The following GPATCH2 variants were observed in gnomAD, a reference collection of about 807,000 sequenced individuals.
GPATCH2 encodes the protein G patch domain-containing protein 2.
In GPATCH2, 51 loss-of-function variants were observed where a neutral mutation model predicts 58.0. The ratio of observed to expected loss-of-function variants is 0.88; its 90% CI spans 0.70 to 1.11. The LOEUF is 1.11. GPATCH2 is among the 50% of genes most tolerant of loss of function. The pLI, the probability that GPATCH2 is intolerant of heterozygous loss-of-function variation, is 0.00. For synonymous variants in GPATCH2, 222 were observed against 218.5 expected (o/e 1.02, Z -0.14); for missense variants, 625 against 652.2 (o/e 0.96, Z 0.45).
intron 8 of GPATCH2, among the ~76,000 whole-genome samples, chr1:217,467,778 AC>A (rs1303755166): frequency 1.3e-5 from 2 of 152,140 alleles, no homozygotes; most frequent in African/African-American, 4.8e-5. Flanking sequence ...TGGTTTCTAA[AC>A]CTATTTCCTA....
At chr1:217,621,749 C>G (rs751490341) in intron 1 of GPATCH2, among the ~76,000 whole-genome samples, 1 of 152,196 alleles carries the variant, frequency 6.6e-6, no homozygotes, top group African/African-American at 2.4e-5. Context: ...CTTATAACAG[C>G]TTTCAACTTT....
chr1:217,491,692 C>T lies in GPATCH2; in HGVS notation c.1265G>A (p.Arg422Lys), dbSNP rs757776764. The part of the protein sequence containing the change: ...ERGHKKNCSV[R>K]TASRQTSMHL... ...TTGAATTGCTTACCTGCTGGCTGTT[C>T]TCACAGAACAATTTTTCTTGTGTCC... The change falls in exon 8 of 10, where the codon AGA becomes AAA. Residue 422 changes from arginine to lysine, a missense_variant. Coordinates refer to ENST00000366935, the MANE Select transcript of GPATCH2 (RefSeq NM_018040.5). 10 of 1,497,968 alleles carry T rather than the reference C, an allele frequency of 6.7e-6. No homozygotes were observed. In the East Asian group the frequency reaches 2.4e-4, roughly 35 times the overall value. The allele number at this position is 1,497,968 out of a possible 1,614,324, so 92.8% of individuals were successfully genotyped here.
At chr1:217,462,755 TG>T (rs1282935809) in intron 8 of GPATCH2, among the ~76,000 whole-genome samples, 1 of 152,232 alleles carries the variant, frequency 6.6e-6, no homozygotes, top group African/African-American at 2.4e-5. Flanking sequence ...TTAAATTATC[TG>T]TTTTTTCATT....
intron 5 of GPATCH2, among the ~76,000 whole-genome samples, chr1:217,568,066 G>C (rs1482425315): frequency 6.6e-6 from 1 of 152,102 alleles, no homozygotes; most frequent in African/African-American, 2.4e-5. Context: ...GCAGTGAGCC[G>C]AGATCGTGCC....
chr1:217,537,590 A>G (rs947623191), intron 5 of GPATCH2, among the ~76,000 whole-genome samples: 1 of 152,204 alleles, frequency 6.6e-6, no homozygotes, highest in Non-Finnish European at 1.5e-5. Flanking sequence ...GAGGTGAAAG[A>G]ATCATTACCA....
At chr1:217,463,835 G>A (rs546739885) in intron 8 of GPATCH2, among the ~76,000 whole-genome samples, 2 of 151,982 alleles carry the variant, frequency 1.3e-5, no homozygotes, top group Non-Finnish European at 1.5e-5. Context: ...AGAGAACAAG[G>A]GTGAGAGATT....
intron 5 of GPATCH2, among the ~76,000 whole-genome samples, chr1:217,553,553 AAGT>A (rs1158698948): frequency 3.3e-5 from 5 of 152,166 alleles, no homozygotes; most frequent in African/African-American, 1.2e-4. Context: ...AACAATAGCA[AAGT>A]ATTTAGGGAA....
At chr1:217,545,008 GT>G (rs1664960430) in intron 5 of GPATCH2, among the ~76,000 whole-genome samples, 1 of 152,102 alleles carries the variant, frequency 6.6e-6, no homozygotes, top group Non-Finnish European at 1.5e-5. Context: ...TCTCCTTCTT[GT>G]TTTTCTCAAC....
chr1:217,545,663 C>T lies in GPATCH2; in HGVS notation c.1099-30774G>A, dbSNP rs555510126. On this transcript the variant is annotated intron_variant, in intron 5 of 9. Coordinates refer to ENST00000366935, the MANE Select transcript of GPATCH2 (RefSeq NM_018040.5). ...GGCAGTAGACTATGTAATTGTTTTT[C>T]TGTGTTGTCCATGGCTCCAAGCACA... is the stretch of plus-strand genomic sequence containing the variant. Among the ~76,000 whole-genome samples the T allele has an allele frequency of 1.4e-3, 211 of 152,220 alleles. 1 individual carries two copies. The highest frequency in any genetic ancestry group is 1.8e-3 in the Non-Finnish European group (121 of 67,998).
At chr1:217,438,735 G>A (rs548349173) in intron 9 of GPATCH2, among the ~76,000 whole-genome samples, 1 of 152,102 alleles carries the variant, frequency 6.6e-6, no homozygotes, top group Non-Finnish European at 1.5e-5. Flanking sequence ...CCAAACCTAC[G>A]GTTGATAGGT....
chr1:217,483,440 C>T lies in GPATCH2; in HGVS notation c.1277+8240G>A, dbSNP rs571951231. On this transcript the variant is annotated intron_variant, in intron 8 of 9. Coordinates refer to ENST00000366935, the MANE Select transcript of GPATCH2 (RefSeq NM_018040.5). ...GCTCAAGCAGTCCTCCCACCTTGGC[C>T]TCCCAAAGTGTTGAGATTACAGGTA... Among the ~76,000 whole-genome samples, 4 of 152,262 alleles carry T rather than the reference C, an allele frequency of 2.6e-5. No individual in the cohort carries two copies. The East Asian group carries it at 7.7e-4, about 29-fold the overall frequency.
intron 1 of GPATCH2, among the ~76,000 whole-genome samples, chr1:217,623,684 C>G (rs1271149117): frequency 2.0e-5 from 3 of 151,586 alleles, no homozygotes; most frequent in African/African-American, 7.3e-5. Flanking sequence ...GGCAGATCAC[C>G]TGAGGTCAGG....
intron 8 of GPATCH2, among the ~76,000 whole-genome samples, chr1:217,474,849 T>C (rs1350755844): frequency 6.6e-6 from 1 of 152,130 alleles, no homozygotes; most frequent in African/African-American, 2.4e-5. Flanking sequence ...GGAAGTGCAG[T>C]CACTCATCCA....
chr1:217,605,178 A>G (rs974201677), intron 5 of GPATCH2, among the ~76,000 whole-genome samples: 3 of 152,232 alleles, frequency 2.0e-5, no homozygotes, highest in Non-Finnish European at 4.4e-5. Context: ...AATGCCACTC[A>G]TGTCATCCTG....
At chr1:217,509,685 C>A (rs1264867694) in intron 6 of GPATCH2, among the ~76,000 whole-genome samples, 1 of 152,150 alleles carries the variant, frequency 6.6e-6, no homozygotes, top group African/African-American at 2.4e-5. Context: ...CTTTCCATCA[C>A]TAGCCAGCAG....
intron 8 of GPATCH2, among the ~76,000 whole-genome samples, chr1:217,457,067 AAAAAAG>A (rs1659977526): frequency 6.6e-6 from 1 of 152,224 alleles, no homozygotes; most frequent in South Asian, 2.1e-4. Flanking sequence ...GATTAATTAG[AAAAAAG>A]AAAAACAATG....
chr1:217,610,108 A>G, intron 5 of GPATCH2: 2 of 1,539,410 alleles, frequency 1.3e-6, no homozygotes, highest in Non-Finnish European at 1.7e-6. Flanking sequence ...CTCGAATGTC[A>G]TTCCCCAGAT....
chr1:217,466,409 G>A (rs533442671), intron 8 of GPATCH2, among the ~76,000 whole-genome samples: 1 of 152,106 alleles, frequency 6.6e-6, no homozygotes, highest in Admixed American at 6.5e-5. Context: ...CCTTTTTGTG[G>A]AGAATGGGTC....
intron 5 of GPATCH2, among the ~76,000 whole-genome samples, chr1:217,568,642 A>T (rs1666386044): frequency 6.6e-6 from 1 of 152,200 alleles, no homozygotes; most frequent in African/African-American, 2.4e-5. Flanking sequence ...TGCAGGCAAG[A>T]CTGCAAGGCC....
Sources: gnomAD v4.1 joint callset for allele counts (sites outside exome capture counted in the v4.1 genomes callset) on GRCh38, gnomAD v4.1.1 for gene constraint, MANE v1.5 for transcripts, NCBI Gene and HGNC (gene_info 2026-07-23, HGNC 2026-07-21) for gene names.